Variants in THADA observed in about 807,000 individuals in gnomAD.
THADA encodes the protein THADA armadillo repeat containing, also known as tRNA (32-2'-O)-methyltransferase regulator THADA.
A neutral mutation model predicts 219.8 loss-of-function variants in THADA; 213 were observed. The observed-to-expected ratio is 0.97, with a 90% CI of 0.87 to 1.09. THADA has a LOEUF of 1.09. Among genes scored for constraint, THADA ranks in the 50% least tolerant of loss-of-function variants. The probability of loss-of-function intolerance (pLI) is 0.00; values close to 1 mark genes in which losing one functional copy is unlikely to be tolerated. For missense variants in THADA, 2,956 were observed against 2,311.3 expected, an observed-to-expected ratio of 1.28 and a Z score of -5.72; for synonymous variants, 1,018 against 828.9, an observed-to-expected ratio of 1.23 and a Z score of -3.92.
intron 26 of THADA, among the ~76,000 whole-genome samples, chr2:43,472,257 A>G (rs748200041): frequency 9.2e-5 from 14 of 152,340 alleles, no homozygotes; most frequent in South Asian, 4.1e-4. Context: ...TTTAAGTATG[A>G]TATCTCCAGA....
At chr2:43,514,555 TAA>T (rs1345944029) in intron 22 of THADA, among the ~76,000 whole-genome samples, 2,238 of 109,246 alleles carry the variant, frequency 0.02, 43 homozygotes, top group African/African-American at 0.032. Context: ...ATACACAATA[TAA>T]ATAATATACA....
At chr2:43,468,201 T>C (rs929687244) in intron 26 of THADA, among the ~76,000 whole-genome samples, 2 of 152,194 alleles carry the variant, frequency 1.3e-5, no homozygotes, top group African/African-American at 4.8e-5. Flanking sequence ...GTTTCAGCTT[T>C]TTGAGAATGC....
At position 43,510,733 on chromosome 2, in the gene THADA, G is replaced by T. The variant is rs1462901553; in HGVS notation, c.3375-1953C>A. Among the ~76,000 whole-genome samples the T allele has an allele frequency of 1.4e-4, 21 of 151,354 alleles. 1 individual carries two copies. The highest frequency in any genetic ancestry group is 1.3e-3 in the Admixed American group (20 of 15,178). Reference sequence around the variant, plus strand: ...CACCTGTAATCCCAGCATTTTGGGAGGCTGAGGCGGGAGGATCACCTGAGG... The same window carrying T: ...CACCTGTAATCCCAGCATTTTGGGATGCTGAGGCGGGAGGATCACCTGAGG... On this transcript the variant is annotated intron_variant, in intron 22 of 37. Transcript: ENST00000405975.
chr2:43,595,892 T>C (rs927633281), intron 1 of THADA, 39 bp downstream of exon 1: 2 of 152,322 alleles, frequency 1.3e-5, no homozygotes, highest in Non-Finnish European at 2.9e-5. Context: ...CGAGCCGAGC[T>C]ACCGCGGGTC....
chr2:43,570,682 A>C (rs1259493281), intron 13 of THADA, among the ~76,000 whole-genome samples, 172 bp from the exon 14 acceptor site: 2 of 152,242 alleles, frequency 1.3e-5, no homozygotes, highest in Non-Finnish European at 1.5e-5. Flanking sequence ...TACCAAAAAC[A>C]AACTATTACT....
At chr2:43,405,837 C>T (rs1363750232) in intron 28 of THADA, among the ~76,000 whole-genome samples, 1 of 152,094 alleles carries the variant, frequency 6.6e-6, no homozygotes, top group East Asian at 1.9e-4. Flanking sequence ...AAGCTCTTTG[C>T]AAATTAATTC....
At chr2:43,236,537 C>G (rs560988696) in intron 36 of THADA, among the ~76,000 whole-genome samples, 9 of 152,300 alleles carry the variant, frequency 5.9e-5, no homozygotes, top group African/African-American at 1.9e-4. Flanking sequence ...AGAAAGCAAG[C>G]AGCCAAGCAA....
chr2:43,538,887 T>G (rs1694947519), intron 21 of THADA, among the ~76,000 whole-genome samples: 1 of 152,116 alleles, frequency 6.6e-6, no homozygotes, highest in African/African-American at 2.4e-5. Flanking sequence ...AACCCCAAAC[T>G]GTAATCTCCC....
At chr2:43,385,113 C>T (rs552629105) in intron 29 of THADA, among the ~76,000 whole-genome samples, 9 of 152,060 alleles carry the variant, frequency 5.9e-5, no homozygotes, top group African/African-American at 2.2e-4. Flanking sequence ...TGCTCTCTAG[C>T]CCGGGCGACA....
intron 29 of THADA, among the ~76,000 whole-genome samples, chr2:43,375,713 A>C (rs1055845330): frequency 1.3e-5 from 2 of 152,200 alleles, no homozygotes; most frequent in African/African-American, 4.8e-5. Context: ...AAAGAATATA[A>C]CGCTGGTTAT....
chr2:43,578,364 C>T, intron 9 of THADA, 149 bp downstream of exon 9: 1 of 435,972 alleles, frequency 2.3e-6, no homozygotes, highest in Non-Finnish European at 4.3e-6. Flanking sequence ...CCAGGCTAAT[C>T]TCAAACTCCT....
In THADA at chr2:43,362,523, C is replaced by T. The variant is rs567291932; in HGVS notation, c.4228-18286G>A. ...TGCTATTAATATAAAGGATTTTAAA[C>T]GGTGCACCTGTATAGAGCACTCATC... is the stretch of plus-strand genomic sequence containing the variant. On this transcript the variant is annotated intron_variant, in intron 29 of 37. Coordinates refer to ENST00000405975, the MANE Select transcript of THADA (RefSeq NM_022065.5). 2.8e-4 allele frequency among the ~76,000 whole-genome samples: 42 copies of T among 152,154 alleles called. 1 individual carries two copies. Among genetic ancestry groups the T allele is most frequent in the African/African-American group, 7.0e-4 (29 of 41,482 alleles).
At chr2:43,585,568 AT>A (rs1304075319) in intron 7 of THADA, among the ~76,000 whole-genome samples, 2,464 of 148,692 alleles carry the variant, frequency 0.017, 73 homozygotes, top group African/African-American at 0.061. Flanking sequence ...AGATAGATAG[AT>A]AGATAGATAG....
chr2:43,461,320 C>T (rs947350517), intron 26 of THADA, among the ~76,000 whole-genome samples: 10 of 152,144 alleles, frequency 6.6e-5, no homozygotes, highest in African/African-American at 2.4e-4. Context: ...ATTAAAATCC[C>T]TGTGACTAAG....
At chr2:43,278,803 C>T (rs868841309) in intron 36 of THADA, among the ~76,000 whole-genome samples, 1 of 152,184 alleles carries the variant, frequency 6.6e-6, no homozygotes, top group African/African-American at 2.4e-5. Flanking sequence ...GCAAGCAGCC[C>T]CAGCCACAGT....
intron 28 of THADA, among the ~76,000 whole-genome samples, chr2:43,407,746 C>CAGGCAATATGCT (rs6146742): frequency 2.6e-5 from 4 of 151,412 alleles, no homozygotes; most frequent in African/African-American, 9.7e-5. Context: ...TGCTAGATGC[C>CAGGCAATATGCT]AGGTACTTTA....
chr2:43,480,475 TA>T (rs1396573065), intron 26 of THADA, among the ~76,000 whole-genome samples: 5 of 152,174 alleles, frequency 3.3e-5, no homozygotes, highest in Admixed American at 2.0e-4. Flanking sequence ...AGTAAAAACA[TA>T]ATAAATGCTT....
At chr2:43,561,106 A>G (rs1289386034) in intron 15 of THADA, among the ~76,000 whole-genome samples, 1 of 151,982 alleles carries the variant, frequency 6.6e-6, no homozygotes, top group Admixed American at 6.6e-5. Flanking sequence ...ATCCTGATAG[A>G]CTTACTGGGA....
intron 20 of THADA, among the ~76,000 whole-genome samples, chr2:43,544,684 A>G (rs1169538675): frequency 1.2e-4 from 18 of 150,850 alleles, no homozygotes; most frequent in East Asian, 5.8e-4. Flanking sequence ...TTTGTCTGTT[A>G]TTGGTGTATA....
Sources: allele counts gnomAD v4.1 joint callset (sites outside exome capture counted in the v4.1 genomes callset), GRCh38; gene constraint gnomAD v4.1.1; transcripts MANE v1.5; gene names NCBI Gene and HGNC (gene_info 2026-07-23, HGNC 2026-07-21).